Variants in GRM7 observed in about 807,000 individuals in gnomAD.
GRM7 encodes the protein metabotropic glutamate receptor 7.
GRM7 carries 35 observed loss-of-function variants against 84.5 expected under a neutral mutation model. That is an observed-to-expected ratio of 0.41 (90% CI 0.32 to 0.55). The LOEUF (loss-of-function observed/expected upper bound fraction) is 0.55, where lower values mean the gene tolerates loss of function less well. Among genes scored for constraint, GRM7 ranks in the 20% least tolerant of loss-of-function variants. The probability of loss-of-function intolerance (pLI) is 0.19; values close to 1 mark genes in which losing one functional copy is unlikely to be tolerated. For missense variants in GRM7, 1,003 were observed against 1,194.6 expected (o/e 0.84, Z 2.36); for synonymous variants, 487 against 455.1 (o/e 1.07, Z -0.89).
chr3:7,481,767 G>A (rs768743188), intron 7 of GRM7, among the ~76,000 whole-genome samples: 14 of 152,180 alleles, frequency 9.2e-5, no homozygotes, highest in Non-Finnish European at 1.8e-4. Flanking sequence ...AGTTCTTAGC[G>A]AACATAGAGA....
chr3:6,872,890 C>G (rs1695173666), intron 1 of GRM7, among the ~76,000 whole-genome samples: 1 of 152,146 alleles, frequency 6.6e-6, no homozygotes, highest in Admixed American at 6.5e-5. Flanking sequence ...TGTTCCAAGT[C>G]TTTGCTATTC....
chr3:7,291,552 C>G (rs1020616781), intron 2 of GRM7, among the ~76,000 whole-genome samples: 1 of 109,636 alleles, frequency 9.1e-6, no homozygotes, highest in Non-Finnish European at 1.9e-5. Flanking sequence ...CTCTCTCTCT[C>G]TCAATCCCTC....
chr3:7,014,208 C>T lies in GRM7; in HGVS notation c.520-132244C>T, dbSNP rs1695484062. Among the ~76,000 whole-genome samples, 3 of 152,268 alleles carry T rather than the reference C, an allele frequency of 2.0e-5. No homozygotes were observed. In the South Asian group the frequency reaches 6.2e-4, roughly 32 times the overall value. On this transcript the variant is annotated intron_variant, in intron 1 of 9. Transcript: ENST00000357716. ...CAAAACCAAAACAAATATCTCTGGA[C>T]AGCATCATCACAAGCTTATGACTCT...
In GRM7 at chr3:7,740,509, G is replaced by T. The variant is rs980044124; in HGVS notation, c.*103G>T. 2.1e-5 allele frequency: 13 copies of T among 628,368 alleles called. No individual in the cohort carries two copies. Among genetic ancestry groups the T allele is most frequent in the Non-Finnish European group, 3.0e-5 (11 of 368,774 alleles). 38.9% of individuals were successfully genotyped at this position (628,368 alleles called of 1,614,324 possible). On this transcript the variant is annotated 3_prime_UTR_variant, in exon 10 of 10. Coordinates refer to ENST00000357716, the MANE Select transcript of GRM7 (RefSeq NM_000844.4). ...GTCCTACCCGCTTCCCATCACCGGA[G>T]GAGCTTCCCCGGCCGGGAGACCAGT... is the stretch of plus-strand genomic sequence containing the variant.
chr3:7,542,776 G>A (rs1461577071), intron 7 of GRM7, among the ~76,000 whole-genome samples: 1 of 152,070 alleles, frequency 6.6e-6, no homozygotes, highest in Admixed American at 6.5e-5. Context: ...TTGATCTTCT[G>A]ACCTCGTGAT....
At chr3:7,140,429 G>T (rs928332547) in intron 1 of GRM7, among the ~76,000 whole-genome samples, 5 of 152,014 alleles carry the variant, frequency 3.3e-5, no homozygotes, top group Admixed American at 6.6e-5. Flanking sequence ...AAGGGGAATT[G>T]TAGCACAGGG....
chr3:7,356,493 G>A (rs530328141), intron 4 of GRM7, among the ~76,000 whole-genome samples: 6 of 152,016 alleles, frequency 3.9e-5, no homozygotes, highest in Admixed American at 3.9e-4. Context: ...GTACAGATGA[G>A]GTTTCACTAT....
chr3:7,307,379 G>C (rs973129476), intron 4 of GRM7, among the ~76,000 whole-genome samples: 7 of 152,054 alleles, frequency 4.6e-5, no homozygotes, highest in African/African-American at 1.7e-4. Flanking sequence ...TCTGCTGATA[G>C]CCTGCTTTGT....
chr3:7,692,472 A>C (rs1445485571), intron 9 of GRM7, among the ~76,000 whole-genome samples: 1 of 152,120 alleles, frequency 6.6e-6, no homozygotes, highest in Non-Finnish European at 1.5e-5. Flanking sequence ...TGATACTTGG[A>C]AGTTTGGCTT....
intron 7 of GRM7, among the ~76,000 whole-genome samples, chr3:7,473,531 A>AGAGAGAGAGAGAGAGAGAGAGAGAGAG (rs56720815): frequency 9.5e-5 from 14 of 146,910 alleles, no homozygotes; most frequent in Admixed American, 1.4e-4. Context: ...AGAGAGAGAG[A>AGAGAGAGAGAGAGAGAGAGAGAGAGAG]AACACCTTGA....
chr3:7,605,384 A>G (rs1696515034), intron 8 of GRM7, among the ~76,000 whole-genome samples: 1 of 152,194 alleles, frequency 6.6e-6, no homozygotes, highest in Non-Finnish European at 1.5e-5. Flanking sequence ...CGAGATAATA[A>G]AGACAATCAA....
chr3:7,273,472 T>C (rs1334028570), intron 2 of GRM7, among the ~76,000 whole-genome samples: 1 of 152,112 alleles, frequency 6.6e-6, no homozygotes, highest in Non-Finnish European at 1.5e-5. Flanking sequence ...TCAACTATAA[T>C]TGGGAATTTA....
intron 7 of GRM7, among the ~76,000 whole-genome samples, chr3:7,528,825 T>A (rs1458580332): frequency 6.6e-6 from 1 of 152,104 alleles, no homozygotes; most frequent in Non-Finnish European, 1.5e-5. Context: ...TGTGTGGTTT[T>A]GAGAGTGCCT....
In GRM7 at chr3:7,288,869, A is replaced by T. The variant is rs186109658; in HGVS notation, c.737-9815A>T. On this transcript the variant is annotated intron_variant, in intron 2 of 9. Transcript: ENST00000357716. ...TTAGAAGTGTAATGAAATAGCGTAT[A>T]TATATGCCTGCTCTAAAATCCCACT... is the stretch of plus-strand genomic sequence containing the variant. Among the ~76,000 whole-genome samples, 27 of 152,276 alleles carry T rather than the reference A, an allele frequency of 1.8e-4. No homozygotes were observed. In the South Asian group the frequency reaches 5.6e-3, roughly 32 times the overall value.
At chr3:6,943,434 C>G (rs1290813603) in intron 1 of GRM7, among the ~76,000 whole-genome samples, 1 of 151,926 alleles carries the variant, frequency 6.6e-6, no homozygotes, top group Non-Finnish European at 1.5e-5. Context: ...CCAATTATTT[C>G]AGCACCAACA....
chr3:7,150,560 T>A (rs749618212), intron 2 of GRM7, among the ~76,000 whole-genome samples: 33 of 152,222 alleles, frequency 2.2e-4, no homozygotes, highest in Non-Finnish European at 4.1e-4. Flanking sequence ...CTTTTCCTTG[T>A]TGAACTTTCA....
chr3:7,050,227 T>G (rs1297697730), intron 1 of GRM7, among the ~76,000 whole-genome samples: 1 of 151,898 alleles, frequency 6.6e-6, no homozygotes, highest in East Asian at 1.9e-4. Context: ...TCATGAACTT[T>G]TGTAAAATAG....
At chr3:7,344,035 A>G (rs188636264) in intron 4 of GRM7, among the ~76,000 whole-genome samples, 2 of 152,158 alleles carry the variant, frequency 1.3e-5, no homozygotes, top group Non-Finnish European at 2.9e-5. Flanking sequence ...CTGACTTGTA[A>G]AATTATTCAT....
At chr3:7,318,893 A>G (rs908434236) in intron 4 of GRM7, among the ~76,000 whole-genome samples, 3 of 152,056 alleles carry the variant, frequency 2.0e-5, no homozygotes, top group Non-Finnish European at 2.9e-5. Context: ...TAATATTGCA[A>G]AAAGAGCTGA....
Sources: allele counts gnomAD v4.1 joint callset (sites outside exome capture counted in the v4.1 genomes callset), GRCh38; gene constraint gnomAD v4.1.1; transcripts MANE v1.5; gene names NCBI Gene and HGNC (gene_info 2026-07-23, HGNC 2026-07-21).